The following FTCDNL1 variants were observed in gnomAD, a reference collection of about 807,000 sequenced individuals.
FTCDNL1 encodes formiminotransferase cyclodeaminase N-terminal like.
In FTCDNL1, 11 loss-of-function variants were observed where a neutral mutation model predicts 5.9. The ratio of observed to expected loss-of-function variants is 1.87; its 90% CI spans 1.18 to 3.10. The LOEUF (loss-of-function observed/expected upper bound fraction) is 3.10. Among genes scored for constraint, FTCDNL1 ranks in the 30% most tolerant of loss-of-function variants. The pLI, the probability that FTCDNL1 is intolerant of heterozygous loss-of-function variation, is 0.00. For missense variants in FTCDNL1, 115 were observed against 65.5 expected, an observed-to-expected ratio of 1.76 and a Z score of -2.61; for synonymous variants, 58 against 24.8, an observed-to-expected ratio of 2.34 and a Z score of -3.99.
the FTCDNL1 span, among the ~76,000 whole-genome samples, chr2:199,699,326 G>T: frequency 6.6e-6 from 1 of 151,896 alleles, no homozygotes; most frequent in Non-Finnish European, 1.5e-5. Flanking sequence ...AATTATCCAG[G>T]TGTAGTGGTG....
intron 3 of FTCDNL1, among the ~76,000 whole-genome samples, chr2:199,824,828 C>T (rs868575663): frequency 1.3e-4 from 20 of 152,096 alleles, no homozygotes; most frequent in Admixed American, 5.2e-4. Context: ...GATCACTGAT[C>T]GCAGATCACC....
chr2:199,752,244 G>A, the FTCDNL1 span, among the ~76,000 whole-genome samples: 5 of 152,030 alleles, frequency 3.3e-5, no homozygotes, highest in Non-Finnish European at 7.4e-5. Context: ...CCACCCCACA[G>A]CATTCCCAGA....
At chr2:199,782,246 A>G (rs182283635) in intron 3 of FTCDNL1, among the ~76,000 whole-genome samples, 13 of 152,260 alleles carry the variant, frequency 8.5e-5, no homozygotes, top group African/African-American at 2.6e-4. Flanking sequence ...TGATTTCTTT[A>G]CTTCTTCAAT....
chr2:199,729,186 G>A, the FTCDNL1 span, among the ~76,000 whole-genome samples: 2 of 152,142 alleles, frequency 1.3e-5, no homozygotes, highest in African/African-American at 2.4e-5. Context: ...TAAAATACAT[G>A]GGTTCAACAT....
chr2:199,709,007 T>C, the FTCDNL1 span, among the ~76,000 whole-genome samples: 1 of 152,126 alleles, frequency 6.6e-6, no homozygotes, highest in Non-Finnish European at 1.5e-5. Context: ...TGGGATCTCC[T>C]CCCTGTTCCC....
At chr2:199,677,217 A>G in the FTCDNL1 span, among the ~76,000 whole-genome samples, 3 of 152,162 alleles carry the variant, frequency 2.0e-5, no homozygotes, top group Non-Finnish European at 4.4e-5. Flanking sequence ...ACATTTCCCT[A>G]AGGCCAAAAC....
At chr2:199,697,116 C>CA in the FTCDNL1 span, among the ~76,000 whole-genome samples, 1 of 151,886 alleles carries the variant, frequency 6.6e-6, no homozygotes, top group Non-Finnish European at 1.5e-5. Flanking sequence ...ACTAAAAATA[C>CA]AAAAAATTAG....
chr2:199,679,737 A>C, the FTCDNL1 span, among the ~76,000 whole-genome samples: 23 of 152,014 alleles, frequency 1.5e-4, no homozygotes, highest in African/African-American at 4.6e-4. Context: ...TTTGATTTTC[A>C]TTGTGTGAGA....
intron 3 of FTCDNL1, among the ~76,000 whole-genome samples, chr2:199,781,497 T>A (rs74732932): frequency 6.6e-6 from 1 of 152,142 alleles, no homozygotes; most frequent in South Asian, 2.1e-4. Context: ...TTTCATCCAA[T>A]CCAATTAGCA....
At chr2:199,717,986 C>CAAAAAAAAAA in the FTCDNL1 span, among the ~76,000 whole-genome samples, 75 of 142,228 alleles carry the variant, frequency 5.3e-4, no homozygotes, top group South Asian at 1.1e-3. Flanking sequence ...ACCAAAAAAA[C>CAAAAAAAAAA]AAAAAAAAAA....
the FTCDNL1 span, among the ~76,000 whole-genome samples, chr2:199,687,005 T>C: frequency 1.3e-5 from 2 of 152,328 alleles, no homozygotes; most frequent in South Asian, 2.1e-4. Flanking sequence ...TTTGTTATAA[T>C]TGGTTCACTT....
chr2:199,670,685 C>A, the FTCDNL1 span, among the ~76,000 whole-genome samples: 1 of 152,090 alleles, frequency 6.6e-6, no homozygotes, highest in Admixed American at 6.5e-5. Flanking sequence ...TGTGTGTATA[C>A]ATCTTCTCTT....
chr2:199,765,556 A>ATATATATATATTTTTTTTTT, intron 3 of FTCDNL1, among the ~76,000 whole-genome samples: 18 of 42,660 alleles, frequency 4.2e-4, no homozygotes, highest in South Asian at 1.9e-3. Flanking sequence ...ATATATATAT[A>ATATATATATATTTTTTTTTT]TTTTTTTTTT....
At chr2:199,705,691 CT>C in the FTCDNL1 span, among the ~76,000 whole-genome samples, 4 of 152,180 alleles carry the variant, frequency 2.6e-5, no homozygotes, top group East Asian at 7.7e-4. Context: ...CATCGTAATG[CT>C]AGCTGTAGAT....
At chr2:199,689,033 C>A in the FTCDNL1 span, among the ~76,000 whole-genome samples, 1 of 152,164 alleles carries the variant, frequency 6.6e-6, no homozygotes, top group African/African-American at 2.4e-5. Flanking sequence ...TTTAATGGAG[C>A]ATTATTTATA....
At chr2:199,696,281 A>AC in the FTCDNL1 span, among the ~76,000 whole-genome samples, 1 of 152,200 alleles carries the variant, frequency 6.6e-6, no homozygotes, top group Non-Finnish European at 1.5e-5. Context: ...CCACTGGCAC[A>AC]TATGCATGCA....
chr2:199,800,205 A>T (rs1381192490), intron 3 of FTCDNL1, among the ~76,000 whole-genome samples: 1 of 152,186 alleles, frequency 6.6e-6, no homozygotes, highest in Non-Finnish European at 1.5e-5. Flanking sequence ...AAAGGGTAAA[A>T]GAATAGACTT....
At chr2:199,667,914 C>G in the FTCDNL1 span, among the ~76,000 whole-genome samples, 4 of 152,272 alleles carry the variant, frequency 2.6e-5, no homozygotes, top group Non-Finnish European at 5.9e-5. Context: ...CTGAAAAGGT[C>G]TTGCATCACA....
At chr2:199,679,683 A>G in the FTCDNL1 span, among the ~76,000 whole-genome samples, 1 of 151,898 alleles carries the variant, frequency 6.6e-6, no homozygotes, top group African/African-American at 2.4e-5. Context: ...TCATACGTGA[A>G]CCTACATTTC....
Sources: allele counts gnomAD v4.1 joint callset (sites outside exome capture counted in the v4.1 genomes callset), GRCh38; gene constraint gnomAD v4.1.1; transcripts MANE v1.5; gene names NCBI Gene and HGNC (gene_info 2026-07-23, HGNC 2026-07-21).